SCFD2: variants seen among roughly 807,000 people sequenced by gnomAD.
The protein encoded by SCFD2 is sec1 family domain containing 2, also known as sec1 family domain-containing protein 2.
Under a neutral mutation model 58.9 loss-of-function variants are expected in SCFD2, and 54 were observed. The ratio of observed to expected loss-of-function variants is 0.92; its 90% CI spans 0.74 to 1.15. SCFD2 has a LOEUF of 1.15. Ranked by LOEUF, SCFD2 falls within the 50% of genes most tolerant of loss-of-function variation. SCFD2 has a pLI of 0.00. For synonymous variants in SCFD2, 321 were observed against 335.9 expected (o/e 0.96, Z 0.49); for missense variants, 805 against 836.6 (o/e 0.96, Z 0.47).
chr4:53,098,583 T>C (rs1724733687), intron 5 of SCFD2, among the ~76,000 whole-genome samples: 1 of 152,114 alleles, frequency 6.6e-6, no homozygotes, highest in Non-Finnish European at 1.5e-5. Flanking sequence ...TCTTTAAACA[T>C]TCCAGACTCA....
chr4:53,068,002 G>C (rs1437075980), intron 5 of SCFD2, among the ~76,000 whole-genome samples: 1 of 152,024 alleles, frequency 6.6e-6, no homozygotes, highest in East Asian at 1.9e-4. Flanking sequence ...GCAAGTCCTT[G>C]CTTCTTTCCA....
chr4:53,290,011 A>G (rs1731789149), intron 3 of SCFD2, among the ~76,000 whole-genome samples: 1 of 152,224 alleles, frequency 6.6e-6, no homozygotes, highest in Admixed American at 6.5e-5. Flanking sequence ...AAGAATAAAT[A>G]GATAGCAATA....
At chr4:53,002,005 T>C (rs1286775237) in intron 5 of SCFD2, among the ~76,000 whole-genome samples, 2 of 152,234 alleles carry the variant, frequency 1.3e-5, no homozygotes, top group African/African-American at 4.8e-5. Flanking sequence ...AGTGATCTTG[T>C]GGTTTACTGA....
At chr4:53,273,340 C>T (rs1254142426) in intron 4 of SCFD2, among the ~76,000 whole-genome samples, 2 of 152,120 alleles carry the variant, frequency 1.3e-5, no homozygotes, top group African/African-American at 4.8e-5. Context: ...AAGTTCCTAT[C>T]CCACATACAA....
intron 5 of SCFD2, among the ~76,000 whole-genome samples, chr4:53,063,758 C>A (rs1323731591): frequency 2.0e-5 from 3 of 152,140 alleles, no homozygotes; most frequent in African/African-American, 7.2e-5. Flanking sequence ...TCTCTCCATG[C>A]TAAATGACCT....
chr4:53,041,777 T>G (rs1722906711), intron 5 of SCFD2, among the ~76,000 whole-genome samples: 2 of 152,166 alleles, frequency 1.3e-5, no homozygotes, highest in Non-Finnish European at 2.9e-5. Flanking sequence ...GGTAATATAA[T>G]TACTTGTTGT....
intron 4 of SCFD2, among the ~76,000 whole-genome samples, chr4:53,156,398 CAAAAAAA>C (rs1171962847): frequency 1.0e-5 from 1 of 99,886 alleles, no homozygotes; most frequent in Non-Finnish European, 2.0e-5. Context: ...AGACTCAACT[CAAAAAAA>C]AAAAAAAAAG....
At chr4:52,986,490 A>ATTT (rs1721496907) in intron 5 of SCFD2, among the ~76,000 whole-genome samples, 12 of 128,874 alleles carry the variant, frequency 9.3e-5, no homozygotes, top group African/African-American at 3.6e-4. Context: ...ATCTTCATGA[A>ATTT]ATTTTTTTTT....
chr4:53,172,075 C>T (rs891143473), intron 4 of SCFD2, among the ~76,000 whole-genome samples: 2 of 151,378 alleles, frequency 1.3e-5, no homozygotes, highest in East Asian at 1.9e-4. Context: ...GTGTGATCTT[C>T]GGCTCACTGC....
chr4:53,304,434 T>G (rs1236542087), intron 3 of SCFD2, among the ~76,000 whole-genome samples: 1 of 152,140 alleles, frequency 6.6e-6, no homozygotes, highest in African/African-American at 2.4e-5. Context: ...TCCAACTTGG[T>G]TCCATTCTCC....
At chr4:53,108,783 G>A (rs1013900319) in intron 5 of SCFD2, among the ~76,000 whole-genome samples, 45 of 152,086 alleles carry the variant, frequency 3.0e-4, no homozygotes, top group African/African-American at 1.1e-3. Flanking sequence ...AATTCTACCA[G>A]AGGTACAAAG....
At chr4:52,899,591 T>C (rs545313923) in intron 7 of SCFD2, among the ~76,000 whole-genome samples, 2 of 152,344 alleles carry the variant, frequency 1.3e-5, no homozygotes, top group East Asian at 3.9e-4. Context: ...CATTTTTTCC[T>C]TCATTTCAAC....
rs573380509 is a variant in SCFD2, at chr4:53,365,975, G to A, written c.-34C>T. On this transcript the variant is annotated 5_prime_UTR_variant, in exon 1 of 9. Transcript: ENST00000401642. This position sits in a 1 kb window ranked among gnomAD's most constrained non-coding sequence, Gnocchi z 4.3. ...ATTCGCAGACTTGGGAAACTACGGT[G>A]CAGGAACTTCTTTCAGAACTCACCG... is the stretch of plus-strand genomic sequence containing the variant. The A allele has an allele frequency of 6.6e-7, 1 of 1,506,416 alleles. No individual in the cohort carries two copies. The highest frequency in any genetic ancestry group is 8.8e-7 in the Non-Finnish European group (1 of 1,134,824). 93.3% of individuals were successfully genotyped at this position (1,506,416 alleles called of 1,614,324 possible).
chr4:53,180,174 C>T (rs1002962159), intron 4 of SCFD2, among the ~76,000 whole-genome samples: 8 of 152,206 alleles, frequency 5.3e-5, no homozygotes, highest in African/African-American at 1.9e-4. Context: ...ACAGAAGTCT[C>T]CATTCCAAAT....
intron 5 of SCFD2, among the ~76,000 whole-genome samples, chr4:53,144,319 T>C (rs1313283552): frequency 1.3e-5 from 2 of 150,962 alleles, no homozygotes; most frequent in Non-Finnish European, 2.9e-5. Flanking sequence ...ATATGTAATA[T>C]ATGTGTGTAT....
intron 4 of SCFD2, among the ~76,000 whole-genome samples, chr4:53,254,169 G>C (rs1222952201): frequency 6.6e-6 from 1 of 152,110 alleles, no homozygotes; most frequent in Non-Finnish European, 1.5e-5. Context: ...ATATGATTTG[G>C]CTCTGTGTCC....
chr4:52,956,713 G>A (rs976858340), intron 5 of SCFD2: 7 of 160,268 alleles, frequency 4.4e-5, no homozygotes, highest in Admixed American at 1.2e-4. Flanking sequence ...AAAAGGTGAA[G>A]CACTATAAAA....
chr4:53,342,377 A>G (rs537720533), intron 2 of SCFD2, among the ~76,000 whole-genome samples: 357 of 152,182 alleles, frequency 2.3e-3, no homozygotes, highest in Non-Finnish European at 4.1e-3. Context: ...TTACATAATG[A>G]TAAAGGGATC....
chr4:53,238,770 G>A (rs1295418792), intron 4 of SCFD2, among the ~76,000 whole-genome samples: 26 of 150,726 alleles, frequency 1.7e-4, no homozygotes, highest in African/African-American at 2.5e-4. Flanking sequence ...ATGGGCGGCC[G>A]GGCAGAGACG....
Sources: gnomAD v4.1 joint callset for allele counts (sites outside exome capture counted in the v4.1 genomes callset) on GRCh38, gnomAD v4.1.1 for gene constraint, Gnocchi (gnomAD v3.1) non-coding constraint, MANE v1.5 for transcripts, NCBI Gene and HGNC (gene_info 2026-07-23, HGNC 2026-07-21) for gene names.